UTRN: variants seen among roughly 807,000 people sequenced by gnomAD.
UTRN encodes the protein utrophin.
In UTRN, 283 loss-of-function variants were observed where a neutral mutation model predicts 463.9. That is an observed-to-expected ratio of 0.61 (90% CI 0.55 to 0.67). UTRN has a LOEUF of 0.67. UTRN is among the 30% of genes least tolerant of loss of function. The pLI, the probability that UTRN is intolerant of heterozygous loss-of-function variation, is 0.00. For missense variants in UTRN, 3,922 were observed against 4,084.3 expected, an observed-to-expected ratio of 0.96 and a Z score of 1.08; for synonymous variants, 1,442 against 1,431.5, an observed-to-expected ratio of 1.01 and a Z score of -0.17.
At position 144,531,049 on chromosome 6, in the gene UTRN, T is replaced by C. The variant is rs1797014098; in HGVS notation, c.5907-3T>C. Reference sequence around the variant, plus strand: ...CTATTTTATTTTGTGTATTGTCCTCTAGTTGTTTTGACAGGGCAATGGAAG... The same window carrying C: ...CTATTTTATTTTGTGTATTGTCCTCCAGTTGTTTTGACAGGGCAATGGAAG... On this transcript the variant is annotated splice_region_variant and splice_polypyrimidine_tract_variant and intron_variant, in intron 41 of 74. Coordinates refer to ENST00000367545, the MANE Select transcript of UTRN (RefSeq NM_007124.3). 2.5e-6 allele frequency: 4 copies of C among 1,613,560 alleles called. No individual in the cohort carries two copies. The highest frequency in any genetic ancestry group is 3.4e-6 in the Non-Finnish European group (4 of 1,179,694).
rs1270568965 is a variant in UTRN, at chr6:144,643,022, T to A, written c.7480-35384T>A. Among the ~76,000 whole-genome samples, 6 of 152,328 alleles carry A rather than the reference T, an allele frequency of 3.9e-5. No homozygotes were observed. In the East Asian group the frequency reaches 1.2e-3, roughly 29 times the overall value. ...CTTTCATCCTGATCTTCAGGATATT[T>A]TTCCTGGAGTTATTATTGTTATTTT... is the stretch of plus-strand genomic sequence containing the variant. On this transcript the variant is annotated intron_variant, in intron 51 of 74. Coordinates refer to ENST00000367545, the MANE Select transcript of UTRN (RefSeq NM_007124.3).
intron 41 of UTRN, among the ~76,000 whole-genome samples, chr6:144,527,266 C>T (rs979918171): frequency 6.6e-6 from 1 of 152,170 alleles, no homozygotes; most frequent in African/African-American, 2.4e-5. Flanking sequence ...CTTAGTTTCA[C>T]TGGATACAAA....
At chr6:144,510,263 A>G (rs543028525) in intron 34 of UTRN, among the ~76,000 whole-genome samples, 2 of 152,292 alleles carry the variant, frequency 1.3e-5, no homozygotes, top group South Asian at 4.1e-4. Context: ...TCTCTCTATA[A>G]TTCTGTGACT....
chr6:144,360,903 T>C (rs1421944709), intron 2 of UTRN, among the ~76,000 whole-genome samples: 1 of 152,192 alleles, frequency 6.6e-6, no homozygotes, highest in African/African-American at 2.4e-5. Context: ...ACTACTTATA[T>C]TTGAATCCTT....
intron 64 of UTRN, among the ~76,000 whole-genome samples, chr6:144,799,227 A>G (rs1777507876): frequency 6.6e-6 from 1 of 152,232 alleles, no homozygotes; most frequent in African/African-American, 2.4e-5. Flanking sequence ...GAAGCATATC[A>G]TTGCATTCTC....
At chr6:144,431,419 T>C (rs1425298022) in intron 9 of UTRN, among the ~76,000 whole-genome samples, 1 of 152,230 alleles carries the variant, frequency 6.6e-6, no homozygotes, top group African/African-American at 2.4e-5. Flanking sequence ...TTACGTTAAT[T>C]GAAAACTAAA....
intron 51 of UTRN, among the ~76,000 whole-genome samples, chr6:144,666,521 C>T (rs1251296154): frequency 6.6e-6 from 1 of 152,160 alleles, no homozygotes; most frequent in African/African-American, 2.4e-5. Flanking sequence ...ACTCTGTTTA[C>T]ATTAGGATCC....
At chr6:144,800,597 A>T (rs1443905298) in intron 64 of UTRN, among the ~76,000 whole-genome samples, 1 of 152,190 alleles carries the variant, frequency 6.6e-6, no homozygotes, top group Non-Finnish European at 1.5e-5. Flanking sequence ...TGAATAAGAT[A>T]CTTGGCCTGC....
At chr6:144,497,988 A>G (rs1793820613) in intron 33 of UTRN, among the ~76,000 whole-genome samples, 3 of 152,248 alleles carry the variant, frequency 2.0e-5, no homozygotes, top group African/African-American at 7.2e-5. Flanking sequence ...TGCAAAAGAA[A>G]CTAATGTAAG....
At position 144,474,535 on chromosome 6, in the gene UTRN, C is replaced by A. The variant is rs531545517; in HGVS notation, c.3181-69C>A. The A allele has an allele frequency of 9.6e-6, 14 of 1,458,988 alleles. No homozygotes were observed. In the African/African-American group the frequency reaches 1.6e-4, roughly 16 times the overall value. The allele number at this position is 1,458,988 out of a possible 1,614,324, so 90.4% of individuals were successfully genotyped here. On this transcript the variant is annotated intron_variant, in intron 24 of 74. Coordinates refer to ENST00000367545, the MANE Select transcript of UTRN (RefSeq NM_007124.3). ...TGTGTAATATTTGCAGGGAGATAAG[C>A]AGACAAACTATAATTATGGCATCCA...
chr6:144,775,060 A>T (rs987121114), intron 60 of UTRN, among the ~76,000 whole-genome samples: 9 of 152,224 alleles, frequency 5.9e-5, no homozygotes, highest in African/African-American at 2.2e-4. Context: ...GTTGATGTGG[A>T]AAGTGATATT....
At chr6:144,573,522 T>C (rs991074764) in intron 50 of UTRN, among the ~76,000 whole-genome samples, 5 of 152,034 alleles carry the variant, frequency 3.3e-5, no homozygotes, top group African/African-American at 1.2e-4. Context: ...GGTGAAATCC[T>C]GTCTCTATTA....
chr6:144,477,008 A>T (rs1288607875), intron 25 of UTRN, among the ~76,000 whole-genome samples: 1 of 152,180 alleles, frequency 6.6e-6, no homozygotes, highest in Non-Finnish European at 1.5e-5. Context: ...TAGAAAAAAA[A>T]TGATGGTGCA....
chr6:144,573,693 C>G (rs891987902), intron 50 of UTRN, among the ~76,000 whole-genome samples: 28 of 139,048 alleles, frequency 2.0e-4, no homozygotes, highest in African/African-American at 7.7e-4. Flanking sequence ...AAGACTCCAT[C>G]TCTAGAATAA....
At chr6:144,399,584 G>A (rs1014423651) in intron 2 of UTRN, among the ~76,000 whole-genome samples, 4 of 152,120 alleles carry the variant, frequency 2.6e-5, no homozygotes, top group African/African-American at 9.7e-5. Flanking sequence ...GGGAACTCAT[G>A]TTATGTTAGT....
At chr6:144,513,485 G>A (rs545999513) in intron 35 of UTRN, among the ~76,000 whole-genome samples, 1 of 152,150 alleles carries the variant, frequency 6.6e-6, no homozygotes, top group Non-Finnish European at 1.5e-5. Context: ...GGGAGGTGGA[G>A]GTTGCAGTGA....
At chr6:144,327,802 G>A (rs1387999420) in intron 2 of UTRN, among the ~76,000 whole-genome samples, 1 of 151,946 alleles carries the variant, frequency 6.6e-6, no homozygotes, top group African/African-American at 2.4e-5. Context: ...AAATTAGCTG[G>A]GCATGGTGGC....
At chr6:144,326,331 T>G (rs1272174341) in intron 2 of UTRN, among the ~76,000 whole-genome samples, 2 of 152,122 alleles carry the variant, frequency 1.3e-5, no homozygotes, top group African/African-American at 2.4e-5. Flanking sequence ...TAGCCCTCTT[T>G]TCTCAGCACC....
chr6:144,744,610 CACACACACACACACACACAT>C (rs966398036), intron 54 of UTRN, among the ~76,000 whole-genome samples: 4 of 100,698 alleles, frequency 4.0e-5, no homozygotes, highest in East Asian at 9.8e-4. Context: ...GGCATACACA[CACACACACACACACACACAT>C]ACACACACAC....
Sources: allele counts gnomAD v4.1 joint callset (sites outside exome capture counted in the v4.1 genomes callset), GRCh38; gene constraint gnomAD v4.1.1; transcripts MANE v1.5; gene names NCBI Gene and HGNC (gene_info 2026-07-23, HGNC 2026-07-21).